Variants in MAVS observed in about 807,000 individuals in gnomAD.
MAVS encodes the protein mitochondrial antiviral-signaling protein.
Under a neutral mutation model 30.2 loss-of-function variants are expected in MAVS, and 20 were observed. The observed-to-expected ratio is 0.66, with a 90% CI of 0.47 to 0.96. The LOEUF is 0.96. MAVS is among the 40% of genes least tolerant of loss of function. The pLI, the probability that MAVS is intolerant of heterozygous loss-of-function variation, is 0.00. For missense variants in MAVS, 624 were observed against 701.1 expected, an observed-to-expected ratio of 0.89 and a Z score of 1.24; for synonymous variants, 278 against 293.9, an observed-to-expected ratio of 0.95 and a Z score of 0.55.
intron 2 of MAVS, 67 bp from the exon 3 acceptor site, chr20:3,857,568 T>G: frequency 6.5e-7 from 1 of 1,541,338 alleles, no homozygotes; most frequent in Middle Eastern, 2.4e-4. Context: ...CGCTGTGGCT[T>G]CATTCTGGGT....
chr20:3,861,900 C>G (rs1316969797), intron 4 of MAVS, among the ~76,000 whole-genome samples: 1 of 152,144 alleles, frequency 6.6e-6, no homozygotes, highest in African/African-American at 2.4e-5. Flanking sequence ...AGGCACCCAC[C>G]ACCACGCCCA....
intron 3 of MAVS, among the ~76,000 whole-genome samples, 186 bp from the exon 4 acceptor site, chr20:3,861,146 C>T (rs962626170): frequency 6.6e-6 from 1 of 152,108 alleles, no homozygotes; most frequent in African/African-American, 2.4e-5. Flanking sequence ...GGGCCCGCCA[C>T]CATGCCCGGC....
At chr20:3,862,494 C>T in intron 5 of MAVS, 81 bp downstream of exon 5, 5 of 1,431,712 alleles carry the variant, frequency 3.5e-6, no homozygotes, top group Non-Finnish European at 4.7e-6. Flanking sequence ...ATCTGGCTTC[C>T]TTGAACAGGA....
In MAVS at chr20:3,870,039, C is replaced by G. The variant is rs139681597; in HGVS notation, c.*3892C>G. On this transcript the variant is annotated 3_prime_UTR_variant, in exon 7 of 7. Coordinates refer to ENST00000428216, the MANE Select transcript of MAVS (RefSeq NM_020746.5). ...AAGCAGGGTGTGAATTGGCCAGTGT[C>G]AGATCTCAGGAGTCCTGTGTTGAGA... 1.3e-5 allele frequency: 2 copies of G among 152,458 alleles called. No individual in the cohort carries two copies. Among genetic ancestry groups the G allele is most frequent in the Non-Finnish European group, 2.9e-5 (2 of 68,064 alleles). 9.4% of individuals were successfully genotyped at this position (152,458 alleles called of 1,614,324 possible). A position where few individuals can be genotyped will look rare whatever the true frequency, so the allele number is the denominator to read the frequency against.
intron 3 of MAVS, among the ~76,000 whole-genome samples, chr20:3,858,283 T>C (rs2146766306): frequency 6.6e-6 from 1 of 152,198 alleles, no homozygotes; most frequent in East Asian, 1.9e-4. Context: ...CGACGCCCTC[T>C]ATCAGCTGCC....
intron 3 of MAVS, 76 bp downstream of exon 3, chr20:3,857,885 A>G (rs753294775): frequency 6.8e-7 from 1 of 1,472,656 alleles, no homozygotes; most frequent in South Asian, 1.1e-5. Context: ...CTCTCCCTGT[A>G]CTTCCTGCCT....
chr20:3,855,669 C>A (rs1419133527), intron 2 of MAVS, among the ~76,000 whole-genome samples: 1 of 152,184 alleles, frequency 6.6e-6, no homozygotes, highest in East Asian at 1.9e-4. Flanking sequence ...CCACACAGAT[C>A]GCATTAGTAT....
At chr20:3,851,622 C>T (rs1344052814) in intron 1 of MAVS, among the ~76,000 whole-genome samples, 1 of 151,914 alleles carries the variant, frequency 6.6e-6, no homozygotes, top group Non-Finnish European at 1.5e-5. Flanking sequence ...GCCCAGGACA[C>T]ACAGTGAGTT....
chr20:3,875,037 A>C lies in MAVS; in HGVS notation c.*8890A>C, dbSNP rs1292459577. On this transcript the variant is annotated 3_prime_UTR_variant, in exon 7 of 7. Transcript: ENST00000428216. ...ACTTAAAGCCCAGATCCTACAGGAA[A>C]CCTTGATTAGACCCCTCTCTTTATT... The C allele has an allele frequency of 6.6e-6, 1 of 152,366 alleles. No individual in the cohort carries two copies. The highest frequency in any genetic ancestry group is 1.5e-5 in the Non-Finnish European group (1 of 68,048). The allele number at this position is 152,366 out of a possible 1,614,324, so 9.4% of individuals were successfully genotyped here.
At position 3,866,101 on chromosome 20, in the gene MAVS, T is replaced by G. The variant is rs1600455569; in HGVS notation, c.1577T>G (p.Leu526Arg). ...LWLQVAVTGV[L>R]VVTLLVVLYR... is the part of the protein sequence containing the mutation. Reference sequence around the variant, plus strand: ...CTCCAGGTGGCTGTGACAGGGGTGCTGGTAGTCACACTCCTGGTGGTGCTG... The same window carrying G: ...CTCCAGGTGGCTGTGACAGGGGTGCGGGTAGTCACACTCCTGGTGGTGCTG... Residue 526 changes from leucine (L) to arginine (R), a missense_variant, in exon 7 of 7, where the codon CTG (leucine) becomes CGG (arginine). Leu to Arg is a moderately radical substitution (Grantham distance 102). Transcript: ENST00000428216. The G allele has an allele frequency of 3.1e-6, 5 of 1,608,678 alleles. No homozygotes were observed. Among genetic ancestry groups the G allele is most frequent in the East Asian group, 2.2e-5 (1 of 44,818 alleles).
intron 1 of MAVS, among the ~76,000 whole-genome samples, chr20:3,847,356 C>T (rs1297161319): frequency 6.6e-6 from 1 of 152,186 alleles, no homozygotes; most frequent in Non-Finnish European, 1.5e-5. Flanking sequence ...CCCCGCCCTC[C>T]GCGGACCTGG....
chr20:3,847,564 A>C (rs1373944507), intron 1 of MAVS, among the ~76,000 whole-genome samples: 1 of 152,302 alleles, frequency 6.6e-6, no homozygotes, highest in East Asian at 1.9e-4. Context: ...AAACACGAAA[A>C]AGGGATTCTC....
chr20:3,848,159 G>A (rs1397895243), intron 1 of MAVS, among the ~76,000 whole-genome samples: 1 of 152,042 alleles, frequency 6.6e-6, no homozygotes, highest in Non-Finnish European at 1.5e-5. Context: ...GAGCGCAGTG[G>A]TCCAATCTTG....
intron 3 of MAVS, among the ~76,000 whole-genome samples, chr20:3,859,903 G>A (rs980390973): frequency 6.6e-5 from 10 of 151,440 alleles, no homozygotes; most frequent in East Asian, 2.0e-4. Context: ...TGCAAGCTCC[G>A]CCTCCCGGGT....
At chr20:3,849,123 G>C (rs1313376539) in intron 1 of MAVS, among the ~76,000 whole-genome samples, 1 of 151,578 alleles carries the variant, frequency 6.6e-6, no homozygotes, top group Non-Finnish European at 1.5e-5. Flanking sequence ...AAAACCCAGA[G>C]TCCTTTCCTA....
chr20:3,852,599 TA>T (rs1274327153), intron 1 of MAVS, among the ~76,000 whole-genome samples: 17 of 152,124 alleles, frequency 1.1e-4, no homozygotes, highest in African/African-American at 3.9e-4. Flanking sequence ...CCGCATGTGC[TA>T]GGGGTACATG....
chr20:3,863,737 G>C (rs2089883855), intron 5 of MAVS, among the ~76,000 whole-genome samples: 1 of 152,070 alleles, frequency 6.6e-6, no homozygotes, highest in Non-Finnish European at 1.5e-5. Flanking sequence ...CCTCCCAGGG[G>C]TGGCTTTGTC....
At chr20:3,852,564 C>CT (rs1183422873) in intron 1 of MAVS, among the ~76,000 whole-genome samples, 2 of 152,094 alleles carry the variant, frequency 1.3e-5, no homozygotes, top group African/African-American at 2.4e-5. Context: ...GGCACAGAAA[C>CT]TAGGGTCACA....
chr20:3,854,798 A>G, intron 2 of MAVS, 57 bp downstream of exon 2: 1 of 1,277,336 alleles, frequency 7.8e-7, no homozygotes, highest in Non-Finnish European at 1.1e-6. Flanking sequence ...GTGGAATTCA[A>G]AGCTCAGCCC....
Sources: gnomAD v4.1 joint callset for allele counts (sites outside exome capture counted in the v4.1 genomes callset) on GRCh38, gnomAD v4.1.1 for gene constraint, MANE v1.5 for transcripts, NCBI Gene and HGNC (gene_info 2026-07-23, HGNC 2026-07-21) for gene names.